BCHE: variants seen among roughly 807,000 people sequenced by gnomAD.
The protein encoded by BCHE is cholinesterase.
In BCHE, 48 loss-of-function variants were observed where a neutral mutation model predicts 51.3. That is an observed-to-expected ratio of 0.94 (90% CI 0.74 to 1.19). BCHE has a LOEUF of 1.19. Among genes scored for constraint, BCHE ranks in the 50% most tolerant of loss-of-function variants. The pLI is 0.00. For missense variants in BCHE, 847 were observed against 708.2 expected (o/e 1.20, Z -2.23); for synonymous variants, 251 against 238.0 (o/e 1.05, Z -0.50).
chr3:165,797,165 CT>C (rs1713416746), intron 2 of BCHE, among the ~76,000 whole-genome samples: 1 of 129,210 alleles, frequency 7.7e-6, no homozygotes, highest in African/African-American at 2.9e-5. Flanking sequence ...TCCTTCTTCC[CT>C]CCCTTCCTTC....
chr3:165,787,894 A>G (rs1713016031), intron 2 of BCHE, among the ~76,000 whole-genome samples: 1 of 151,990 alleles, frequency 6.6e-6, no homozygotes, highest in Admixed American at 6.6e-5. Flanking sequence ...TAATCAAGAA[A>G]CTATAAAGTT....
intron 2 of BCHE, among the ~76,000 whole-genome samples, chr3:165,820,697 G>C (rs1410622758): frequency 1.3e-5 from 2 of 151,860 alleles, no homozygotes; most frequent in Non-Finnish European, 2.9e-5. Context: ...CTAATTATAA[G>C]TCTGATAATA....
rs1398040946 is a variant in BCHE, at chr3:165,830,221, C to T, written c.813G>A (p.Thr271=). The change falls in exon 2 of 4, where the codon ACG becomes ACA. Residue 271 remains threonine, a synonymous_variant. Coordinates refer to ENST00000264381, the MANE Select transcript of BCHE (RefSeq NM_000055.4). ...AACCAGTCAATTTAGCTAAGTTCAACGTTCTGTTCCTAGCTTCATAAAGAG... is the reference window on the plus strand; with the variant it reads ...AACCAGTCAATTTAGCTAAGTTCAATGTTCTGTTCCTAGCTTCATAAAGAG... ...VTSLYEARNR[T]LNLAKLTGCS... is the part of the protein sequence containing the mutation. 1 of 1,613,958 alleles carries T rather than the reference C, an allele frequency of 6.2e-7. No individual in the cohort carries two copies. Among genetic ancestry groups the T allele is most frequent in the South Asian group, 1.1e-5 (1 of 91,080 alleles).
intron 3 of BCHE, among the ~76,000 whole-genome samples, chr3:165,773,721 T>A (rs1450787954): frequency 6.6e-6 from 1 of 151,986 alleles, no homozygotes; most frequent in East Asian, 1.9e-4. Flanking sequence ...AATGTATATA[T>A]AATTTATATA....
chr3:165,809,686 A>C (rs1714018206), intron 2 of BCHE, among the ~76,000 whole-genome samples: 1 of 152,076 alleles, frequency 6.6e-6, no homozygotes, highest in Non-Finnish European at 1.5e-5. Context: ...AATTCACCCA[A>C]ATTTCCATGC....
intron 3 of BCHE, among the ~76,000 whole-genome samples, chr3:165,775,219 A>G (rs1712417342): frequency 6.6e-6 from 1 of 152,046 alleles, no homozygotes; most frequent in African/African-American, 2.4e-5. Context: ...CTTTTTGCAG[A>G]CATTACAATA....
intron 2 of BCHE, among the ~76,000 whole-genome samples, chr3:165,812,544 A>C (rs1295244020): frequency 6.6e-6 from 1 of 152,002 alleles, no homozygotes; most frequent in South Asian, 2.1e-4. Context: ...TTTTCTGTAT[A>C]ATCACATCTT....
In BCHE at chr3:165,822,103, C is replaced by T. The variant is rs552815285; in HGVS notation, c.1517+7414G>A. Among the ~76,000 whole-genome samples the T allele has an allele frequency of 1.9e-4, 29 of 151,840 alleles. No individual in the cohort carries two copies. The South Asian group carries it at 6.0e-3, about 32-fold the overall frequency. On this transcript the variant is annotated intron_variant, in intron 2 of 3. Coordinates refer to ENST00000264381, the MANE Select transcript of BCHE (RefSeq NM_000055.4). ...AGCTTGTGATTTTATGATATCAAAA[C>T]AGGACAAAATAAAAGTGACATGTCA...
At chr3:165,794,642 T>C (rs1263551148) in intron 2 of BCHE, among the ~76,000 whole-genome samples, 2 of 152,148 alleles carry the variant, frequency 1.3e-5, no homozygotes, top group African/African-American at 4.8e-5. Context: ...ACCTAATCAC[T>C]TTCCCAAGGC....
At chr3:165,776,905 CAT>C (rs1347926147) in intron 3 of BCHE, among the ~76,000 whole-genome samples, 1 of 151,488 alleles carries the variant, frequency 6.6e-6, no homozygotes, top group Admixed American at 6.6e-5. Flanking sequence ...CAATAGGTCA[CAT>C]AGTATTTATC....
intron 2 of BCHE, among the ~76,000 whole-genome samples, chr3:165,787,435 CAAAG>C (rs1391923382): frequency 6.6e-6 from 1 of 151,258 alleles, no homozygotes; most frequent in Non-Finnish European, 1.5e-5. Context: ...CCCAGGGAAA[CAAAG>C]AACTACAACA....
intron 2 of BCHE, chr3:165,828,041 C>T (rs563132831): frequency 1.2e-4 from 54 of 455,742 alleles, no homozygotes; most frequent in Non-Finnish European, 1.8e-4. Flanking sequence ...GTTTCAAGAA[C>T]GTAGTTTAGT....
chr3:165,821,422 G>A (rs185242808), intron 2 of BCHE, among the ~76,000 whole-genome samples: 22 of 150,644 alleles, frequency 1.5e-4, no homozygotes, highest in African/African-American at 5.4e-4. Flanking sequence ...TTAAAAACAT[G>A]GAATGATTCC....
At chr3:165,783,282 A>C (rs1427578967) in intron 3 of BCHE, among the ~76,000 whole-genome samples, 1 of 151,848 alleles carries the variant, frequency 6.6e-6, no homozygotes, top group African/African-American at 2.4e-5. Flanking sequence ...TGGGGTAAGA[A>C]CATAGAGTGA....
intron 2 of BCHE, among the ~76,000 whole-genome samples, chr3:165,791,535 TAA>T (rs1006656060): frequency 4.6e-5 from 7 of 152,016 alleles, no homozygotes; most frequent in African/African-American, 1.7e-4. Context: ...AGATTAGATA[TAA>T]AGAGGAAAGG....
At chr3:165,787,170 T>G (rs1712986539) in intron 2 of BCHE, among the ~76,000 whole-genome samples, 1 of 151,866 alleles carries the variant, frequency 6.6e-6, no homozygotes. Context: ...AATGAATAAC[T>G]GTCGACTCTA....
chr3:165,773,268 T>C lies in BCHE; in HGVS notation c.*114A>G. On this transcript the variant is annotated 3_prime_UTR_variant, in exon 4 of 4. Coordinates refer to ENST00000264381, the MANE Select transcript of BCHE (RefSeq NM_000055.4). ...ATGTGAGGAATCAATATTATCCTTC[T>C]GGCATTTTTGTTTCAGCTACATAAT... The C allele has an allele frequency of 2.0e-6, 2 of 986,056 alleles. No homozygotes were observed. Among genetic ancestry groups the C allele is most frequent in the South Asian group, 1.5e-5 (1 of 64,620 alleles). The allele number at this position is 986,056 out of a possible 1,614,324, so 61.1% of individuals were successfully genotyped here.
intron 2 of BCHE, among the ~76,000 whole-genome samples, chr3:165,812,796 T>A (rs1395017179): frequency 6.6e-6 from 1 of 151,920 alleles, no homozygotes; most frequent in Non-Finnish European, 1.5e-5. Flanking sequence ...ACTCTAATCG[T>A]GTGTGAGTAT....
chr3:165,823,997 T>C (rs906585811), intron 2 of BCHE, among the ~76,000 whole-genome samples: 7 of 150,978 alleles, frequency 4.6e-5, no homozygotes, highest in Admixed American at 6.6e-5. Context: ...GGCTAGTCTA[T>C]AACTTTGGGC....
Sources: gnomAD v4.1 joint callset for allele counts (sites outside exome capture counted in the v4.1 genomes callset) on GRCh38, gnomAD v4.1.1 for gene constraint, MANE v1.5 for transcripts, NCBI Gene and HGNC (gene_info 2026-07-23, HGNC 2026-07-21) for gene names.